The following MAGI2 variants were observed in gnomAD, a reference collection of about 807,000 sequenced individuals.
MAGI2 encodes the protein membrane-associated guanylate kinase, WW and PDZ domain-containing protein 2.
Under a neutral mutation model 133.3 loss-of-function variants are expected in MAGI2, and 35 were observed. The observed-to-expected ratio is 0.26, with a 90% CI of 0.20 to 0.35. The LOEUF (loss-of-function observed/expected upper bound fraction) is 0.35, where lower values mean the gene tolerates loss of function less well. Among genes scored for constraint, MAGI2 ranks in the 10% least tolerant of loss-of-function variants. The pLI is 1.00. For missense variants in MAGI2, 1,636 were observed against 1,863.4 expected, an observed-to-expected ratio of 0.88 and a Z score of 2.25; for synonymous variants, 729 against 710.6, an observed-to-expected ratio of 1.03 and a Z score of -0.41.
chr7:79,294,721 CTTTTT>C (rs1161010284), intron 1 of MAGI2, among the ~76,000 whole-genome samples: 163 of 83,158 alleles, frequency 2.0e-3, no homozygotes, highest in African/African-American at 6.8e-3. Context: ...ATTTTGGTAG[CTTTTT>C]TTTTTTTTTT....
At chr7:78,255,772 A>G in intron 10 of MAGI2, 171 bp downstream of exon 10, 1 of 701,996 alleles carries the variant, frequency 1.4e-6, no homozygotes, top group South Asian at 1.7e-5. Context: ...CATATTCTGA[A>G]TTCAAAAACA....
chr7:79,143,618 A>G (rs1375094116), intron 1 of MAGI2, among the ~76,000 whole-genome samples: 2 of 152,176 alleles, frequency 1.3e-5, no homozygotes, highest in Admixed American at 6.6e-5. Flanking sequence ...ATCCTACAAC[A>G]CTTCAGGATA....
intron 6 of MAGI2, chr7:78,485,571 C>G (rs1207314380): frequency 2.0e-5 from 3 of 151,904 alleles, no homozygotes; most frequent in African/African-American, 7.2e-5. Flanking sequence ...TTAGTTTTTT[C>G]TCTAGTCTAG....
rs180739509 is a variant in MAGI2, at chr7:78,356,450, C to T, written c.1104-10407G>A. ...TATAATTTACAATAATATGTAGTCT[C>T]AAACAGCTAGACGGAGGATATTGAA... is the stretch of plus-strand genomic sequence containing the variant. On this transcript the variant is annotated intron_variant, in intron 7 of 21. Transcript: ENST00000354212. Among the ~76,000 whole-genome samples the T allele has an allele frequency of 1.4e-4, 22 of 152,146 alleles. 1 individual carries two copies. The South Asian group carries it at 2.7e-3, about 19-fold the overall frequency.
At chr7:79,204,548 C>A (rs1828876320) in intron 1 of MAGI2, among the ~76,000 whole-genome samples, 1 of 151,922 alleles carries the variant, frequency 6.6e-6, no homozygotes, top group Non-Finnish European at 1.5e-5. Flanking sequence ...CAACACATGA[C>A]CACAGGGATC....
chr7:78,737,405 G>A (rs1380419811), intron 2 of MAGI2, among the ~76,000 whole-genome samples: 4 of 152,102 alleles, frequency 2.6e-5, no homozygotes, highest in Admixed American at 2.0e-4. Flanking sequence ...AAAAATAAAG[G>A]TTCATTGATA....
At chr7:78,783,650 T>C (rs1006529613) in intron 2 of MAGI2, among the ~76,000 whole-genome samples, 4 of 152,178 alleles carry the variant, frequency 2.6e-5, no homozygotes, top group Non-Finnish European at 5.9e-5. Context: ...TGAATTACAG[T>C]GGGTGAATCC....
intron 1 of MAGI2, among the ~76,000 whole-genome samples, chr7:79,233,971 C>G (rs1374163572): frequency 4.8e-5 from 7 of 146,960 alleles, no homozygotes; most frequent in Non-Finnish European, 9.1e-5. Flanking sequence ...CCTTCAGGAG[C>G]TCTTTTAGGG....
In MAGI2 at chr7:78,256,041, T is replaced by C; in HGVS notation, c.1949A>G (p.Asn650Ser). 2 of 1,613,674 alleles carry C rather than the reference T, an allele frequency of 1.2e-6. No homozygotes were observed. The highest frequency in any genetic ancestry group is 1.7e-6 in the Non-Finnish European group (2 of 1,179,862). ...LCEGDLIVEINQQNVQNLSHT... is the reference protein window; with the variant it reads ...LCEGDLIVEISQQNVQNLSHT... ...GCTCAGGTTCTGTACATTCTGCTGG[T>C]TGATCTCAACAATGAGGTCGCCTTC... The change falls in exon 10 of 22, where the codon AAC (asparagine) becomes AGC (serine). Residue 650 changes from asparagine (N) to serine (S), a missense_variant. This residue lies in a region of MAGI2 where 920 missense variants were observed against 1,093.5 expected (regional missense o/e 0.84). Transcript: ENST00000354212.
chr7:79,292,865 T>C (rs1193453006), intron 1 of MAGI2, among the ~76,000 whole-genome samples: 1 of 147,754 alleles, frequency 6.8e-6, no homozygotes, highest in Non-Finnish European at 1.5e-5. Flanking sequence ...TTAGGGAATA[T>C]TCCCATCTTA....
intron 6 of MAGI2, among the ~76,000 whole-genome samples, chr7:78,387,286 C>T (rs754482366): frequency 6.6e-6 from 1 of 152,136 alleles, no homozygotes; most frequent in Non-Finnish European, 1.5e-5. Flanking sequence ...CTTTACAACT[C>T]TAGGCAAAAG....
intron 2 of MAGI2, among the ~76,000 whole-genome samples, chr7:78,941,749 C>CAA (rs1801002761): frequency 6.6e-6 from 1 of 151,506 alleles, no homozygotes; most frequent in South Asian, 2.1e-4. Flanking sequence ...CACACACACA[C>CAA]ACACACACAC....
chr7:79,339,143 T>G (rs2129098227), intron 1 of MAGI2, among the ~76,000 whole-genome samples: 1 of 152,212 alleles, frequency 6.6e-6, no homozygotes, highest in East Asian at 1.9e-4. Flanking sequence ...GAGAAAAAAA[T>G]ATATTCACCT....
intron 1 of MAGI2, among the ~76,000 whole-genome samples, chr7:79,161,396 T>C (rs779285183): frequency 1.5e-4 from 23 of 152,242 alleles, no homozygotes; most frequent in Non-Finnish European, 2.9e-4. Flanking sequence ...AAAAATAAAC[T>C]GTACTTTTCG....
chr7:78,201,320 G>T (rs1829230882), intron 10 of MAGI2, 127 bp from the exon 11 acceptor site: 6 of 493,390 alleles, frequency 1.2e-5, no homozygotes, highest in Middle Eastern at 5.3e-4. Flanking sequence ...AAAAACTTCT[G>T]CCTGGCTGTA....
intron 3 of MAGI2, chr7:78,614,771 C>T (rs1806891408): frequency 6.6e-6 from 1 of 152,074 alleles, no homozygotes; most frequent in African/African-American, 2.4e-5. Flanking sequence ...CCAAGAGTTG[C>T]ATTACATTTG....
chr7:79,020,713 C>T lies in MAGI2; in HGVS notation c.302-13507G>A, dbSNP rs139682060. On this transcript the variant is annotated intron_variant, in intron 1 of 21. Coordinates refer to ENST00000354212, the MANE Select transcript of MAGI2 (RefSeq NM_012301.4). ...CCCAGGAGGTGGAGCTTGAAGTGAGCCGAGATTGCATCACTGCACTGCAAC... is the reference window on the plus strand; with the variant it reads ...CCCAGGAGGTGGAGCTTGAAGTGAGTCGAGATTGCATCACTGCACTGCAAC... Among the ~76,000 whole-genome samples the T allele has an allele frequency of 1.4e-3, 216 of 149,800 alleles. 2 individuals are homozygous for T. Among genetic ancestry groups the T allele is most frequent in the African/African-American group, 5.1e-3 (208 of 40,690 alleles).
chr7:78,500,607 T>A lies in MAGI2; in HGVS notation c.965+970A>T, dbSNP rs528375172. 4.0e-4 allele frequency among the ~76,000 whole-genome samples: 61 copies of A among 152,324 alleles called. No homozygotes were observed. The East Asian group carries it at 6.9e-3, about 17-fold the overall frequency. The stretch of plus-strand genomic sequence containing the variant: ...ACATGTATACAAAAATTATATTTTT[T>A]AAAAATGTCCTAAAAGAAAGATTAG... On this transcript the variant is annotated intron_variant, in intron 5 of 21. Coordinates refer to ENST00000354212, the MANE Select transcript of MAGI2 (RefSeq NM_012301.4).
intron 6 of MAGI2, among the ~76,000 whole-genome samples, chr7:78,446,164 TATG>T (rs74642503): frequency 0.73 from 110,020 of 151,128 alleles, 41,303 homozygotes; most frequent in East Asian, 0.86. Context: ...ACTTATTTTT[TATG>T]ATGGTACTTT....
Sources: allele counts gnomAD v4.1 joint callset (sites outside exome capture counted in the v4.1 genomes callset), GRCh38; gene constraint gnomAD v4.1.1; regional missense constraint gnomAD v4.1.1; transcripts MANE v1.5; gene names NCBI Gene and HGNC (gene_info 2026-07-23, HGNC 2026-07-21).